GABRB3: variants seen among roughly 807,000 people sequenced by gnomAD.
The protein encoded by GABRB3 is gamma-aminobutyric acid receptor subunit beta-3.
A neutral mutation model predicts 52.1 loss-of-function variants in GABRB3; 14 were observed. The ratio of observed to expected loss-of-function variants is 0.27; its 90% CI spans 0.18 to 0.42. GABRB3 has a LOEUF of 0.42. GABRB3 is among the 10% of genes least tolerant of loss of function. The pLI is 1.00. For synonymous variants in GABRB3, 260 were observed against 232.3 expected, an observed-to-expected ratio of 1.12 and a Z score of -1.08; for missense variants, 307 against 609.1, an observed-to-expected ratio of 0.50 and a Z score of 5.22.
intron 2 of GABRB3, 100 bp from the exon 3 acceptor site, chr15:26,772,569 GC>G: frequency 1.4e-6 from 2 of 1,443,136 alleles, no homozygotes; most frequent in Non-Finnish European, 1.9e-6. Context: ...CGGGCGAAGG[GC>G]CCCCACTCCC....
intron 3 of GABRB3, among the ~76,000 whole-genome samples, chr15:26,680,281 G>C (rs1888197545): frequency 6.6e-6 from 1 of 152,142 alleles, no homozygotes; most frequent in Admixed American, 6.5e-5. Flanking sequence ...TGAGCCAACT[G>C]GTTAAAATGA....
chr15:26,732,756 C>T (rs1037339808), intron 3 of GABRB3, among the ~76,000 whole-genome samples: 5 of 152,056 alleles, frequency 3.3e-5, no homozygotes, highest in Admixed American at 1.3e-4. Context: ...TTTGGGAGGC[C>T]GAGGCAGGTG....
At chr15:26,771,629 C>T (rs1242555387) in intron 3 of GABRB3, among the ~76,000 whole-genome samples, 9 of 152,240 alleles carry the variant, frequency 5.9e-5, no homozygotes, top group African/African-American at 2.2e-4. Context: ...TCCTAAAGCA[C>T]TCCTGGCAAA....
chr15:26,718,359 G>A (rs9921037), intron 3 of GABRB3, among the ~76,000 whole-genome samples: 1,782 of 152,124 alleles, frequency 0.012, 28 homozygotes, highest in African/African-American at 0.041. Context: ...ATAGGCATGC[G>A]CCACCAAGCC....
intron 4 of GABRB3, among the ~76,000 whole-genome samples, chr15:26,588,005 C>T (rs1199044781): frequency 5.3e-5 from 8 of 151,748 alleles, no homozygotes; most frequent in East Asian, 1.9e-4. Flanking sequence ...TTTTTTCTTT[C>T]GATTGTTTAT....
intron 8 of GABRB3, among the ~76,000 whole-genome samples, chr15:26,551,965 A>T (rs1343764340): frequency 6.6e-6 from 1 of 151,562 alleles, no homozygotes; most frequent in East Asian, 2.0e-4. Flanking sequence ...TGGAGCTTGT[A>T]TCTCAAAAGC....
intron 3 of GABRB3, among the ~76,000 whole-genome samples, chr15:26,747,043 G>T (rs192589083): frequency 6.6e-6 from 1 of 152,174 alleles, no homozygotes; most frequent in African/African-American, 2.4e-5. Context: ...TATTTGTGTG[G>T]GTCTATTTCT....
intron 3 of GABRB3, among the ~76,000 whole-genome samples, chr15:26,760,496 A>G (rs1483378934): frequency 2.0e-5 from 3 of 152,168 alleles, no homozygotes; most frequent in Non-Finnish European, 4.4e-5. Context: ...AAATACCCTG[A>G]AGTATGGAGG....
At chr15:26,719,238 A>G (rs9920334) in intron 3 of GABRB3, among the ~76,000 whole-genome samples, 150,323 of 152,366 alleles carry the variant, frequency 0.99, 74,178 homozygotes, top group East Asian at 1. Context: ...TTGCTCCACA[A>G]ATGTGGGACC....
At chr15:26,554,757 G>A (rs779362514) in intron 8 of GABRB3, among the ~76,000 whole-genome samples, 6 of 152,318 alleles carry the variant, frequency 3.9e-5, no homozygotes, top group South Asian at 4.1e-4. Flanking sequence ...CACATGGGAC[G>A]TGAGTGATCT....
At chr15:26,760,697 A>G (rs1890792250) in intron 3 of GABRB3, among the ~76,000 whole-genome samples, 1 of 150,776 alleles carries the variant, frequency 6.6e-6, no homozygotes, top group Non-Finnish European at 1.5e-5. Context: ...ATTGATTGAT[A>G]TAGATACAGA....
At chr15:26,729,874 AGTCT>A (rs1889863929) in intron 3 of GABRB3, among the ~76,000 whole-genome samples, 1 of 152,210 alleles carries the variant, frequency 6.6e-6, no homozygotes, top group Non-Finnish European at 1.5e-5. Flanking sequence ...GTTTGTTTGT[AGTCT>A]GTCTCTCTCT....
chr15:26,664,302 A>ATTT (rs1887636348), intron 3 of GABRB3, among the ~76,000 whole-genome samples: 1 of 152,174 alleles, frequency 6.6e-6, no homozygotes, highest in Non-Finnish European at 1.5e-5. Flanking sequence ...AGTAACGTTA[A>ATTT]TTTTTGTTTC....
chr15:26,719,696 A>T (rs2140140141), intron 3 of GABRB3, among the ~76,000 whole-genome samples: 1 of 152,364 alleles, frequency 6.6e-6, no homozygotes, highest in Non-Finnish European at 1.5e-5. Flanking sequence ...ACGTCAGATC[A>T]TCAGTTTGGA....
At chr15:26,673,551 G>A (rs114942319) in intron 3 of GABRB3, among the ~76,000 whole-genome samples, 1,749 of 152,330 alleles carry the variant, frequency 0.011, 33 homozygotes, top group African/African-American at 0.04. Context: ...CAGTGACACT[G>A]ATGATACGAA....
At chr15:26,665,148 T>C (rs758653554) in intron 3 of GABRB3, among the ~76,000 whole-genome samples, 2 of 152,236 alleles carry the variant, frequency 1.3e-5, no homozygotes, top group African/African-American at 4.8e-5. Flanking sequence ...ACATTATTTT[T>C]AACTATAGTC....
At chr15:26,562,119 A>T (rs930223307) in intron 7 of GABRB3, among the ~76,000 whole-genome samples, 1 of 152,198 alleles carries the variant, frequency 6.6e-6, no homozygotes, top group African/African-American at 2.4e-5. Context: ...GGCCATAGAC[A>T]CCAGGAGGCA....
At chr15:26,564,876 G>A (rs28590317) in intron 7 of GABRB3, among the ~76,000 whole-genome samples, 1 of 152,124 alleles carries the variant, frequency 6.6e-6, no homozygotes, top group African/African-American at 2.4e-5. Context: ...ACTCTTTACT[G>A]TAGTTTTACT....
intron 4 of GABRB3, among the ~76,000 whole-genome samples, chr15:26,608,807 G>A (rs1051972795): frequency 7.9e-5 from 12 of 152,070 alleles, no homozygotes; most frequent in African/African-American, 2.9e-4. Context: ...ATAAGTGTTG[G>A]CAAGGATGTG....
Sources: gnomAD v4.1 joint callset for allele counts (sites outside exome capture counted in the v4.1 genomes callset) on GRCh38, gnomAD v4.1.1 for gene constraint, MANE v1.5 for transcripts, NCBI Gene and HGNC (gene_info 2026-07-23, HGNC 2026-07-21) for gene names.